Variants in PGAP4 observed in about 807,000 individuals in gnomAD.
PGAP4 encodes post-GPI attachment to proteins GalNAc transferase 4.
Under a neutral mutation model 28.2 loss-of-function variants are expected in PGAP4, and 12 were observed. That is an observed-to-expected ratio of 0.42 (90% confidence interval 0.27 to 0.69). The LOEUF is 0.69. PGAP4 is among the 30% of genes least tolerant of loss of function. PGAP4 has a pLI of 0.22. For synonymous variants in PGAP4, 205 were observed against 211.8 expected, an observed-to-expected ratio of 0.97 and a Z score of 0.28; for missense variants, 425 against 513.5, an observed-to-expected ratio of 0.83 and a Z score of 1.67.
At chr9:101,532,448 C>T (rs1352568009) in intron 1 of PGAP4, among the ~76,000 whole-genome samples, 1 of 151,930 alleles carries the variant, frequency 6.6e-6, no homozygotes, top group Non-Finnish European at 1.5e-5. Flanking sequence ...CATTTTTGTT[C>T]TTGTTTTTAA....
intron 2 of PGAP4, among the ~76,000 whole-genome samples, chr9:101,522,142 GT>G (rs2118629176): frequency 1.3e-5 from 2 of 152,184 alleles, no homozygotes; most frequent in African/African-American, 4.8e-5. Context: ...CATATAGTCT[GT>G]CTTGGAGAAA....
At chr9:101,526,111 C>G (rs1213171352) in intron 2 of PGAP4, among the ~76,000 whole-genome samples, 1 of 152,110 alleles carries the variant, frequency 6.6e-6, no homozygotes, top group East Asian at 1.9e-4. Flanking sequence ...ATGTTCAGTA[C>G]TTCACATATT....
rs1336320136 is a variant in PGAP4, at chr9:101,512,837, A to G, written c.-165+18511T>C. The stretch of plus-strand genomic sequence containing the variant: ...TGCATTCAATTTTTTTTAAAGGAGC[A>G]AAGAAAGTAAAAGCATCTCAGTGGA... On this transcript the variant is annotated intron_variant, in intron 2 of 3. Coordinates refer to the PGAP4 transcript ENST00000374851. 2.6e-5 allele frequency among the ~76,000 whole-genome samples: 4 copies of G among 152,164 alleles called. No homozygotes were observed. The East Asian group carries it at 7.7e-4, about 29-fold the overall frequency.
intron 2 of PGAP4, among the ~76,000 whole-genome samples, chr9:101,508,125 T>C (rs1826864035): frequency 9.8e-6 from 1 of 102,226 alleles, no homozygotes; most frequent in African/African-American, 4.2e-5. Flanking sequence ...CCTTTTTGAG[T>C]GTTTTTTTTT....
At position 101,476,787 on chromosome 9, in the gene PGAP4, C is replaced by T; in HGVS notation, c.306G>A (p.Leu102=). The change falls in exon 2 of 2, where the codon CTG becomes CTA. Residue 102 remains leucine, a synonymous_variant. Coordinates refer to ENST00000374848, the MANE Select transcript of PGAP4 (RefSeq NM_032342.3). This position sits in a 1 kb window ranked among gnomAD's most constrained non-coding sequence, Gnocchi z 7.0. The part of the protein sequence containing the change: ...IVWQATPRPW[L]VITIITVDRQ... The stretch of plus-strand genomic sequence containing the variant: ...TGTCCACAGTGATGATGGTGATCAC[C>T]AGCCAGGGCCGGGGGGTGGCCTGCC... 2.5e-6 allele frequency: 4 copies of T among 1,612,382 alleles called. No individual in the cohort carries two copies. The highest frequency in any genetic ancestry group is 2.2e-5 in the East Asian group (1 of 44,858).
intron 2 of PGAP4, among the ~76,000 whole-genome samples, chr9:101,498,497 A>ATT (rs545003386): frequency 4.2e-5 from 6 of 144,546 alleles, no homozygotes; most frequent in Middle Eastern, 3.6e-3. Flanking sequence ...CCCTTTAAGA[A>ATT]TTTTTTTTTT....
upstream of PGAP4, among the ~76,000 whole-genome samples, chr9:101,487,755 G>GT (rs1588202028): frequency 6.6e-6 from 1 of 152,118 alleles, no homozygotes; most frequent in African/African-American, 2.4e-5. Context: ...AGCTAAGAAT[G>GT]TTTTTTGCAA....
At chr9:101,524,348 G>T (rs1362050571) in intron 2 of PGAP4, among the ~76,000 whole-genome samples, 1 of 152,094 alleles carries the variant, frequency 6.6e-6, no homozygotes, top group Non-Finnish European at 1.5e-5. Flanking sequence ...AACAGCCCCA[G>T]TCTGTTTCCA....
chr9:101,505,205 CA>C (rs1826840059), intron 2 of PGAP4, among the ~76,000 whole-genome samples: 1 of 151,442 alleles, frequency 6.6e-6, no homozygotes, highest in Non-Finnish European at 1.5e-5. Flanking sequence ...TGAATACTTA[CA>C]AAAGTGGCAT....
intron 2 of PGAP4, among the ~76,000 whole-genome samples, chr9:101,530,160 G>A (rs1283403374): frequency 6.6e-6 from 1 of 152,226 alleles, no homozygotes; most frequent in East Asian, 1.9e-4. Context: ...TGTCCATTTT[G>A]AGAGCATTAA....
At position 101,504,027 on chromosome 9, in the gene PGAP4, CA is replaced by C. The variant is rs1245576371; in HGVS notation, c.-164-14828del. On this transcript the variant is annotated intron_variant, in intron 2 of 3. Coordinates refer to the PGAP4 transcript ENST00000374851. ...ACTCAAAGGAAGGAAGACAATCCCC[CA>C]AAAGGCCAGTTTTTTTTCTAAAAAA... Among the ~76,000 whole-genome samples the C allele has an allele frequency of 2.0e-5, 3 of 151,286 alleles. No individual in the cohort carries two copies. The Admixed American group carries it at 2.0e-4, about 10-fold the overall frequency.
intron 2 of PGAP4, among the ~76,000 whole-genome samples, chr9:101,494,841 A>T (rs1826724131): frequency 2.0e-5 from 3 of 151,436 alleles, no homozygotes; most frequent in Non-Finnish European, 4.4e-5. Context: ...ATTTTAAGAT[A>T]ACCAGAATCA....
intron 2 of PGAP4, among the ~76,000 whole-genome samples, chr9:101,514,640 T>C (rs1826928168): frequency 6.6e-6 from 1 of 152,152 alleles, no homozygotes; most frequent in African/African-American, 2.4e-5. Flanking sequence ...TTTGCATCTA[T>C]TGAAATGCTA....
upstream of PGAP4, chr9:101,489,327 A>G (rs747973249): frequency 2.2e-4 from 34 of 152,240 alleles, no homozygotes; most frequent in Admixed American, 7.2e-4. Context: ...AGGGTATTTC[A>G]TTGGTTAGGC....
At chr9:101,496,508 T>G (rs1386548975) in intron 2 of PGAP4, among the ~76,000 whole-genome samples, 1 of 151,526 alleles carries the variant, frequency 6.6e-6, no homozygotes, top group Non-Finnish European at 1.5e-5. Context: ...AATTTTTAGT[T>G]TTGTATTAGT....
chr9:101,480,792 A>G (rs1194102036), intron 1 of PGAP4: 4 of 152,200 alleles, frequency 2.6e-5, no homozygotes, highest in Admixed American at 2.0e-4. Flanking sequence ...TTTTTAAAAC[A>G]TTTTTTTAAA....
intron 2 of PGAP4, among the ~76,000 whole-genome samples, chr9:101,522,012 T>C (rs920163727): frequency 4.6e-5 from 7 of 152,324 alleles, no homozygotes; most frequent in African/African-American, 1.7e-4. Flanking sequence ...TCCATGTATT[T>C]GCATTGTTTC....
At position 101,486,624 on chromosome 9, in the gene PGAP4, G is replaced by A. The variant is rs2118560395; in HGVS notation, c.-78+325C>T. 6.6e-6 allele frequency among the ~76,000 whole-genome samples: 1 copy of A among 152,270 alleles called. No individual in the cohort carries two copies. Among genetic ancestry groups the A allele is most frequent in the East Asian group, 1.9e-4 (1 of 5,134 alleles). On this transcript the variant is annotated intron_variant, in intron 1 of 1. Transcript: ENST00000374848. The surrounding 1 kb of genome is among the most constrained non-coding windows in gnomAD (Gnocchi z 4.7). The stretch of plus-strand genomic sequence containing the variant: ...CTATTGACCTGTCAGCGCAGCTGGC[G>A]CAGGCAAGGGCCAGGGAGGCGCCCC...
intron 2 of PGAP4, among the ~76,000 whole-genome samples, chr9:101,498,059 T>A (rs1330242045): frequency 6.6e-6 from 1 of 151,830 alleles, no homozygotes; most frequent in African/African-American, 2.4e-5. Context: ...TAGGTAAGAC[T>A]GTGGACCAAA....
Sources: allele counts gnomAD v4.1 joint callset (sites outside exome capture counted in the v4.1 genomes callset), GRCh38; gene constraint gnomAD v4.1.1; non-coding constraint Gnocchi (gnomAD v3.1); transcripts MANE v1.5; gene names NCBI Gene and HGNC (gene_info 2026-07-23, HGNC 2026-07-21).